The following TLN2 variants were observed in gnomAD, a reference collection of about 807,000 sequenced individuals.
TLN2 encodes the protein talin-2.
A neutral mutation model predicts 294.7 loss-of-function variants in TLN2; 118 were observed. That is an observed-to-expected ratio of 0.40 (90% CI 0.34 to 0.47). The LOEUF (loss-of-function observed/expected upper bound fraction) is 0.47, where lower values mean the gene tolerates loss of function less well. Ranked by LOEUF, TLN2 falls within the 20% of genes least tolerant of loss-of-function variation. TLN2 has a pLI of 0.84. For synonymous variants in TLN2, 1,431 were observed against 1,304.5 expected, an observed-to-expected ratio of 1.10 and a Z score of -2.09; for missense variants, 3,083 against 3,282.2, an observed-to-expected ratio of 0.94 and a Z score of 1.48.
intron 1 of TLN2, among the ~76,000 whole-genome samples, chr15:62,412,997 C>T (rs992731448): frequency 6.6e-6 from 1 of 152,088 alleles, no homozygotes; most frequent in Non-Finnish European, 1.5e-5. Context: ...GGAGAGACTG[C>T]AAGGCTTGGG....
At chr15:62,659,932 G>T (rs2053631093) in intron 9 of TLN2, among the ~76,000 whole-genome samples, 2 of 152,176 alleles carry the variant, frequency 1.3e-5, no homozygotes, top group South Asian at 4.1e-4. Flanking sequence ...GCTGATTTGC[G>T]AGTTGGATAG....
chr15:62,447,641 C>T (rs1476933284), intron 1 of TLN2, among the ~76,000 whole-genome samples: 1 of 151,894 alleles, frequency 6.6e-6, no homozygotes, highest in Non-Finnish European at 1.5e-5. Context: ...CTGTGGGCAC[C>T]CGCCACCACG....
At chr15:62,568,437 A>G (rs747950049) in intron 1 of TLN2, among the ~76,000 whole-genome samples, 1 of 152,204 alleles carries the variant, frequency 6.6e-6, no homozygotes, top group Non-Finnish European at 1.5e-5. Flanking sequence ...TTTTTGGTCT[A>G]TAGGTAAGAG....
chr15:62,394,957 TAATC>T (rs1212016029), intron 1 of TLN2, among the ~76,000 whole-genome samples: 2 of 152,200 alleles, frequency 1.3e-5, no homozygotes, highest in African/African-American at 4.8e-5. Flanking sequence ...GTTTTTCTCT[TAATC>T]AACAATTTAA....
chr15:62,840,473 T>G lies in TLN2; in HGVS notation c.7501-9T>G. 9.9e-6 allele frequency: 16 copies of G among 1,613,964 alleles called. No homozygotes were observed. Among genetic ancestry groups the G allele is most frequent in the Non-Finnish European group, 1.4e-5 (16 of 1,179,936 alleles). ...GTTAGGTCCATCCAGCTTGTTGCTT[T>G]CTTTCTAGATCATCGCCGCCCAGGA... On this transcript the variant is annotated splice_polypyrimidine_tract_variant and intron_variant, in intron 58 of 58. Coordinates refer to ENST00000636159, the MANE Select transcript of TLN2 (RefSeq NM_015059.3).
chr15:62,404,252 C>A (rs900557882), intron 1 of TLN2, among the ~76,000 whole-genome samples: 1 of 152,230 alleles, frequency 6.6e-6, no homozygotes, highest in Non-Finnish European at 1.5e-5. Flanking sequence ...CAGAGGACAG[C>A]TGGATGGAGA....
At chr15:62,631,526 CCT>C (rs1567221777) in intron 3 of TLN2, among the ~76,000 whole-genome samples, 30 of 56,916 alleles carry the variant, frequency 5.3e-4, no homozygotes, top group African/African-American at 1.4e-3. Context: ...TTCTTCCTTT[CCT>C]TTCCTTTCCT....
At chr15:62,513,140 G>A (rs550684046) in intron 1 of TLN2, among the ~76,000 whole-genome samples, 2 of 152,132 alleles carry the variant, frequency 1.3e-5, no homozygotes, top group Non-Finnish European at 2.9e-5. Context: ...TGCCTTAGGA[G>A]CCTCTGGTCA....
chr15:62,573,100 A>T (rs531738494), intron 1 of TLN2, among the ~76,000 whole-genome samples: 1 of 152,150 alleles, frequency 6.6e-6, no homozygotes, highest in African/African-American at 2.4e-5. Flanking sequence ...TTCCCTTCCA[A>T]TCAGCATCCG....
chr15:62,475,932 T>G (rs1177962073), intron 1 of TLN2, among the ~76,000 whole-genome samples: 1 of 152,268 alleles, frequency 6.6e-6, no homozygotes, highest in Non-Finnish European at 1.5e-5. Context: ...GACTTGATTC[T>G]GCAATTCTAT....
Position 62,752,409 on chromosome 15 carries a change from G to T in TLN2, c.4314G>T (p.Leu1438=), listed in dbSNP as rs747645023. Residue 1438 remains leucine (L), a synonymous_variant, in exon 35 of 59, where the codon CTG becomes CTT. Coordinates refer to ENST00000636159, the MANE Select transcript of TLN2 (RefSeq NM_015059.3). ...TTGCATCCAAGGCTCTCTGTGGGCT[G>T]ACAGAGGCTGCAGCCCAGGTAAGGG... The part of the protein sequence containing the change: ...VGIASKALCG[L]TEAAAQAAYL... 9.9e-6 allele frequency: 16 copies of T among 1,614,048 alleles called. No homozygotes were observed. In the South Asian group the frequency reaches 1.8e-4, roughly 18 times the overall value.
At chr15:62,533,371 G>A (rs916144073) in intron 1 of TLN2, among the ~76,000 whole-genome samples, 5 of 151,880 alleles carry the variant, frequency 3.3e-5, no homozygotes, top group Admixed American at 3.3e-4. Flanking sequence ...TTAGATTCAG[G>A]GAAAGCTGGT....
intron 28 of TLN2, among the ~76,000 whole-genome samples, chr15:62,727,914 A>C (rs943324115): frequency 6.6e-6 from 1 of 152,206 alleles, no homozygotes; most frequent in South Asian, 2.1e-4. Flanking sequence ...GGAGTGGGTT[A>C]TGGATCATTG....
intron 1 of TLN2, among the ~76,000 whole-genome samples, chr15:62,414,624 A>G (rs2033976131): frequency 7.1e-6 from 1 of 141,568 alleles, no homozygotes. Flanking sequence ...ACAGTATGTA[A>G]CAGCAAAAGT....
At position 62,673,828 on chromosome 15, in the gene TLN2, C is replaced by G. The variant is rs753644525; in HGVS notation, c.790C>G (p.Leu264Val). The part of the protein sequence containing the change: ...EHKHKPGFLD[L>V]KEFLPKEYIK... ...CCTTTTTAAATGTCTCTCTCTTAGT[C>G]TGAAGGAATTCCTGCCCAAAGAATA... The change falls in exon 10 of 59, where the codon CTG becomes GTG. Residue 264 changes from leucine to valine, a missense_variant and splice_region_variant. Coordinates refer to ENST00000636159, the MANE Select transcript of TLN2 (RefSeq NM_015059.3). 1.2e-6 allele frequency: 2 copies of G among 1,612,464 alleles called. No homozygotes were observed. The highest frequency in any genetic ancestry group is 2.2e-5 in the East Asian group (1 of 44,828).
chr15:62,785,605 C>G (rs566228800), intron 45 of TLN2, among the ~76,000 whole-genome samples: 18 of 136,222 alleles, frequency 1.3e-4, no homozygotes, highest in African/African-American at 4.7e-4. Context: ...TGAGCCAAGA[C>G]TATGCACTGC....
At chr15:62,786,125 C>A (rs914089572) in intron 45 of TLN2, among the ~76,000 whole-genome samples, 2 of 152,070 alleles carry the variant, frequency 1.3e-5, no homozygotes, top group Non-Finnish European at 2.9e-5. Context: ...TGTACATTTG[C>A]CAGACAGATA....
At chr15:62,695,847 A>G (rs981110247) in intron 14 of TLN2, among the ~76,000 whole-genome samples, 1 of 152,176 alleles carries the variant, frequency 6.6e-6, no homozygotes, top group South Asian at 2.1e-4. Flanking sequence ...GCGTCACTTC[A>G]GAGGACTCTG....
intron 49 of TLN2, 79 bp from the exon 50 acceptor site, chr15:62,800,574 A>G (rs2065866689): frequency 6.2e-7 from 1 of 1,609,786 alleles, no homozygotes; most frequent in African/African-American, 1.3e-5. Context: ...TGCTCATAGC[A>G]TGCGATCCAG....
Sources: gnomAD v4.1 joint callset for allele counts (sites outside exome capture counted in the v4.1 genomes callset) on GRCh38, gnomAD v4.1.1 for gene constraint, MANE v1.5 for transcripts, NCBI Gene and HGNC (gene_info 2026-07-23, HGNC 2026-07-21) for gene names.